Variants in RNF38 observed in about 807,000 individuals in gnomAD.
RNF38 encodes ring finger protein 38.
RNF38 carries 15 observed loss-of-function variants against 67.2 expected under a neutral mutation model. The observed-to-expected ratio is 0.22, with a 90% CI of 0.15 to 0.34. The LOEUF (loss-of-function observed/expected upper bound fraction) is 0.34. Among genes scored for constraint, RNF38 ranks in the 10% least tolerant of loss-of-function variants. The pLI is 1.00. For missense variants in RNF38, 524 were observed against 639.9 expected, an observed-to-expected ratio of 0.82 and a Z score of 1.95; for synonymous variants, 220 against 218.8, an observed-to-expected ratio of 1.01 and a Z score of -0.05.
At chr9:36,418,718 G>A (rs749882699) in intron 2 of RNF38, among the ~76,000 whole-genome samples, 1 of 151,784 alleles carries the variant, frequency 6.6e-6, no homozygotes, top group Non-Finnish European at 1.5e-5. Flanking sequence ...CCTGGGAGGC[G>A]GAGGTTGCAG....
intron 2 of RNF38, among the ~76,000 whole-genome samples, chr9:36,418,442 C>T (rs996281583): frequency 5.9e-5 from 9 of 151,552 alleles, no homozygotes; most frequent in Non-Finnish European, 1.3e-4. Context: ...CACTTGAGGA[C>T]AGGAGCTGAA....
intron 6 of RNF38, 125 bp downstream of exon 6, chr9:36,356,178 A>G: frequency 2.2e-6 from 2 of 901,076 alleles, no homozygotes; most frequent in South Asian, 1.6e-5. Flanking sequence ...CCATTTAAAC[A>G]TAGTAACTTA....
intron 4 of RNF38, among the ~76,000 whole-genome samples, chr9:36,361,718 G>A (rs1834549907): frequency 6.6e-6 from 1 of 152,154 alleles, no homozygotes; most frequent in Admixed American, 6.5e-5. Context: ...AAAAGGTTCA[G>A]TGCCATCAAG....
chr9:36,409,943 AG>A lies in RNF38; in HGVS notation n.312+14669del, dbSNP rs542463673. Among the ~76,000 whole-genome samples the A allele has an allele frequency of 1.4e-4, 21 of 152,350 alleles. No individual in the cohort carries two copies. In the East Asian group the frequency reaches 3.9e-3, roughly 28 times the overall value. On this transcript the variant is annotated intron_variant and non_coding_transcript_variant, in intron 2 of 3. Coordinates refer to the RNF38 transcript ENST00000488058. ...GTAAATATAAAATTTAAGCTTCCAT[AG>A]GAAGCTTATTTATCTTCCCCTGGCT...
chr9:36,341,146 C>T (rs376298213), intron 11 of RNF38, among the ~76,000 whole-genome samples: 4 of 152,162 alleles, frequency 2.6e-5, no homozygotes, highest in Non-Finnish European at 4.4e-5. Flanking sequence ...CACAACAAGC[C>T]GCTCATTGAT....
At chr9:36,456,029 T>C (rs1003101012) in intron 1 of RNF38, among the ~76,000 whole-genome samples, 1 of 151,646 alleles carries the variant, frequency 6.6e-6, no homozygotes, top group African/African-American at 2.4e-5. Flanking sequence ...TCAGAGGGAG[T>C]AAGAAGTTCC....
chr9:36,354,671 T>C (rs945487245), intron 6 of RNF38, among the ~76,000 whole-genome samples: 9 of 152,218 alleles, frequency 5.9e-5, no homozygotes, highest in East Asian at 1.9e-4. Flanking sequence ...CATTTATCAG[T>C]TGACAGACAT....
intron 4 of RNF38, among the ~76,000 whole-genome samples, chr9:36,369,127 G>C (rs1363398844): frequency 1.3e-5 from 2 of 152,122 alleles, no homozygotes; most frequent in Admixed American, 1.3e-4. Context: ...AAGAAACTAG[G>C]AAACAGGAAT....
intron 4 of RNF38, among the ~76,000 whole-genome samples, chr9:36,359,109 C>T (rs1052464267): frequency 3.3e-5 from 5 of 152,074 alleles, no homozygotes; most frequent in South Asian, 4.1e-4. Flanking sequence ...AGGTGTGAGC[C>T]GCTGCACCTG....
At chr9:36,466,743 C>T (rs1810406076) in intron 1 of RNF38, among the ~76,000 whole-genome samples, 1 of 152,076 alleles carries the variant, frequency 6.6e-6, no homozygotes. Flanking sequence ...ATACACATAT[C>T]CAATCCTCAC....
rs16924363 is a variant in RNF38, at chr9:36,351,229, A to G, written c.1179-30T>C. 2.1e-3 allele frequency: 3,035 copies of G among 1,427,010 alleles called. 62 individuals are homozygous for G. In the East Asian group the frequency reaches 0.058, roughly 27 times the overall value. The allele number at this position is 1,427,010 out of a possible 1,614,324, so 88.4% of individuals were successfully genotyped here. On this transcript the variant is annotated intron_variant, in intron 8 of 11. Transcript: ENST00000259605. ...AGTGAAAACAATCACACTAGCATTG[A>G]TATGTTAGTACATTAAATCAATGAA...
chr9:36,339,706 CAT>C lies in RNF38; in HGVS notation c.*44_*45del. ...AAGTTCAATGGATAGTCCGTATATA[CAT>C]GTGATGAGGAACACCCAAACTAAAT... is the stretch of plus-strand genomic sequence containing the variant. On this transcript the variant is annotated 3_prime_UTR_variant, in exon 12 of 12. Transcript: ENST00000259605. The C allele has an allele frequency of 6.8e-7, 1 of 1,463,278 alleles. No homozygotes were observed. Among genetic ancestry groups the C allele is most frequent in the Non-Finnish European group, 9.5e-7 (1 of 1,048,664 alleles). The allele number at this position is 1,463,278 out of a possible 1,614,324, so 90.6% of individuals were successfully genotyped here. A position where few individuals can be genotyped will look rare whatever the true frequency, so the allele number is the denominator to read the frequency against.
chr9:36,487,109 A>T (rs1161673913), intron 1 of RNF38, among the ~76,000 whole-genome samples: 10 of 152,182 alleles, frequency 6.6e-5, no homozygotes, highest in Non-Finnish European at 1.5e-4. Context: ...GGGGCTACCC[A>T]CCGGGTGGGA....
At chr9:36,373,447 A>G (rs944988902) in intron 3 of RNF38, among the ~76,000 whole-genome samples, 6 of 152,210 alleles carry the variant, frequency 3.9e-5, no homozygotes, top group Non-Finnish European at 7.3e-5. Flanking sequence ...ATTAAAAACT[A>G]TGACTGAACA....
chr9:36,389,210 C>G lies in RNF38; in HGVS notation c.162+1257G>C, dbSNP rs115956048. 1.5e-3 allele frequency among the ~76,000 whole-genome samples: 231 copies of G among 152,252 alleles called. 1 individual carries two copies. Among genetic ancestry groups the G allele is most frequent in the African/African-American group, 5.4e-3 (225 of 41,544 alleles). On this transcript the variant is annotated intron_variant, in intron 2 of 11. Coordinates refer to ENST00000259605, the MANE Select transcript of RNF38 (RefSeq NM_022781.5). Reference sequence around the variant, plus strand: ...ATACATTGCATCTTTCTGCAACACTCAAATGCAATTGGCTCTTTGTTTTGT... The same window carrying G: ...ATACATTGCATCTTTCTGCAACACTGAAATGCAATTGGCTCTTTGTTTTGT...
intron 1 of RNF38, among the ~76,000 whole-genome samples, chr9:36,392,099 G>A (rs976777322): frequency 3.9e-5 from 6 of 152,100 alleles, no homozygotes; most frequent in African/African-American, 1.4e-4. Flanking sequence ...GCCAGAAACC[G>A]ATCATAAAAT....
At chr9:36,420,804 TA>T (rs1173713088) in intron 2 of RNF38, among the ~76,000 whole-genome samples, 1 of 152,106 alleles carries the variant, frequency 6.6e-6, no homozygotes, top group Non-Finnish European at 1.5e-5. Context: ...TGAACGAATG[TA>T]AAAATAATGC....
chr9:36,487,284 C>T, intron 1 of RNF38: 9 of 984,974 alleles, frequency 9.1e-6, no homozygotes, highest in Non-Finnish European at 1.1e-5. Flanking sequence ...CCCTCCCTGC[C>T]TGGCCCGCTC....
chr9:36,374,313 T>C lies in RNF38; in HGVS notation c.356+1621A>G, dbSNP rs192353422. The stretch of plus-strand genomic sequence containing the variant: ...CCGCTCAGGCTGCCATAACAAAACA[T>C]TGCAGACTGGGTGGCTTAAACAGAT... On this transcript the variant is annotated intron_variant, in intron 3 of 11. Coordinates refer to ENST00000259605, the MANE Select transcript of RNF38 (RefSeq NM_022781.5). 2.5e-3 allele frequency among the ~76,000 whole-genome samples: 378 copies of C among 152,322 alleles called. 2 individuals are homozygous for C. Among genetic ancestry groups the C allele is most frequent in the Non-Finnish European group, 3.9e-3 (268 of 68,016 alleles).
Sources: allele counts gnomAD v4.1 joint callset (sites outside exome capture counted in the v4.1 genomes callset), GRCh38; gene constraint gnomAD v4.1.1; transcripts MANE v1.5; gene names NCBI Gene and HGNC (gene_info 2026-07-23, HGNC 2026-07-21).